Variants in RADX observed in about 807,000 individuals in gnomAD.
RADX encodes RPA-related protein RADX.
In RADX, 36 loss-of-function variants were observed where a neutral mutation model predicts 61.6. The ratio of observed to expected loss-of-function variants is 0.58; its 90% CI spans 0.45 to 0.77. RADX has a LOEUF of 0.77. RADX is among the 30% of genes least tolerant of loss of function. The pLI, the probability that RADX is intolerant of heterozygous loss-of-function variation, is 0.00. For missense variants in RADX, 497 were observed against 651.1 expected (o/e 0.76, Z 2.58); for synonymous variants, 272 against 237.9 (o/e 1.14, Z -1.32).
intron 3 of RADX, among the ~76,000 whole-genome samples, chrX:106,630,725 G>T (rs1927196372): frequency 9.0e-6 from 1 of 111,077 alleles, no homozygotes; most frequent in Non-Finnish European, 1.9e-5. Context: ...AGAACACAAA[G>T]AGGGGAACAG....
rs1393423144 is a variant in RADX at position 106,648,481 on chromosome X, C to CT, written c.1978+97dup. ...AATTACTAAGCACAAGTAATACATG[C>CT]TTAGAATGTATACTTTGCATATAGT... On this transcript the variant is annotated intron_variant, in intron 11 of 13. Transcript: ENST00000372548. 5 of 572,995 alleles carry CT rather than the reference C, an allele frequency of 8.7e-6. No individual in the cohort carries two copies. In the African/African-American group the frequency reaches 9.2e-5, roughly 11 times the overall value. 47.2% of individuals were successfully genotyped at this position (572,995 alleles called of 1,213,427 possible).
chrX:106,662,718 A>C (rs932204600), intron 12 of RADX, among the ~76,000 whole-genome samples: 26 of 109,485 alleles, frequency 2.4e-4, no homozygotes, highest in African/African-American at 8.6e-4. Context: ...CTACCAAAAA[A>C]AAAAAAAAAG....
intron 12 of RADX, among the ~76,000 whole-genome samples, chrX:106,665,223 T>G (rs1928199386): frequency 8.9e-6 from 1 of 111,830 alleles, no homozygotes; most frequent in African/African-American, 3.2e-5. Context: ...AAAGATGACT[T>G]TAAGTGTATC....
At chrX:106,619,737 AATC>A (rs1295320119) in intron 1 of RADX, among the ~76,000 whole-genome samples, 1 of 110,740 alleles carries the variant, frequency 9.0e-6, no homozygotes, top group East Asian at 2.8e-4. Context: ...CATACATAAT[AATC>A]TTTTAACAAT....
intron 13 of RADX, among the ~76,000 whole-genome samples, chrX:106,669,577 T>C (rs1230419684): frequency 8.9e-6 from 1 of 111,908 alleles, no homozygotes; most frequent in Non-Finnish European, 1.9e-5. Flanking sequence ...ATTCCAAGTA[T>C]AATTATTTCA....
At chrX:106,631,896 TTTGG>T (rs1927243890) in intron 3 of RADX, among the ~76,000 whole-genome samples, 1 of 106,846 alleles carries the variant, frequency 9.4e-6, no homozygotes, top group Non-Finnish European at 2.0e-5. Context: ...AATACCAAGG[TTTGG>T]AGAGGATGTG....
Position 106,669,295 on chromosome X carries a change from G to T in RADX, c.2402G>T (p.Gly801Val), listed in dbSNP as rs1413350929. 8.3e-7 allele frequency: 1 copy of T among 1,201,733 alleles called. No individual in the cohort carries two copies. The highest frequency in any genetic ancestry group is 1.8e-5 in the African/African-American group (1 of 56,534). The stretch of plus-strand genomic sequence containing the variant: ...TGTGCATATCCACAGGACACAACTG[G>T]AAATGACCGATTGCCAGGTCCAAGA... ...YSCAYPQDTT[G>V]NDRLPGPRAV... Residue 801 changes from glycine (G) to valine (V), a missense_variant, in exon 13 of 14, where the codon GGA (glycine) becomes GTA (valine). Gly to Val is a moderately radical substitution (Grantham distance 109, BLOSUM62 -3). Coordinates refer to ENST00000372548, the MANE Select transcript of RADX (RefSeq NM_018015.6).
At position 106,677,857 on chromosome X, in the gene RADX, A is replaced by G. The variant is rs570118021; in HGVS notation, c.2438-271A>G. On this transcript the variant is annotated intron_variant, in intron 13 of 13. Coordinates refer to ENST00000372548, the MANE Select transcript of RADX (RefSeq NM_018015.6). ...ATATCTGGATTTATTTTGCTCCACC[A>G]AGAACAAAACAAAAACCCGAAAACT... is the stretch of plus-strand genomic sequence containing the variant. 4.5e-5 allele frequency among the ~76,000 whole-genome samples: 5 copies of G among 110,865 alleles called. No individual in the cohort carries two copies. The Admixed American group carries it at 4.8e-4, about 11-fold the overall frequency.
At chrX:106,657,813 A>G (rs1169309594) in intron 11 of RADX, among the ~76,000 whole-genome samples, 2 of 111,316 alleles carry the variant, frequency 1.8e-5, no homozygotes, top group Non-Finnish European at 3.8e-5. Flanking sequence ...TAGTAGCATC[A>G]GAGATCAGTA....
At position 106,632,649 on chromosome X, in the gene RADX, C is replaced by T. The variant is rs1259974271; in HGVS notation, c.1004C>T (p.Pro335Leu). 4 of 1,194,773 alleles carry T rather than the reference C, an allele frequency of 3.3e-6. No individual in the cohort carries two copies. Among genetic ancestry groups the T allele is most frequent in the Admixed American group, 4.4e-5 (2 of 45,207 alleles). Residue 335 changes from proline to leucine, a missense_variant, in exon 4 of 14, where the codon CCC becomes CTC. Around this residue, in one of 3 missense-constraint regions of RADX, gnomAD observed 196 missense variants for 315.0 expected, o/e 0.62. Coordinates refer to ENST00000372548, the MANE Select transcript of RADX (RefSeq NM_018015.6). The stretch of plus-strand genomic sequence containing the variant: ...GAAATCTGCCTGAATCTTCGAGATC[C>T]CCCAACAAATATAATTATCATTCCA... ...TMEICLNLRD[P>L]PTNIIIIPEK...
intron 1 of RADX, among the ~76,000 whole-genome samples, chrX:106,616,055 A>G (rs1026824299): frequency 1.8e-5 from 2 of 111,444 alleles, no homozygotes; most frequent in Admixed American, 1.9e-4. Flanking sequence ...ATTCCTCTCT[A>G]AAACTATCTG....
chrX:106,663,136 A>C (rs187059031), intron 12 of RADX, among the ~76,000 whole-genome samples: 70 of 111,802 alleles, frequency 6.3e-4, no homozygotes, highest in African/African-American at 2.1e-3. Flanking sequence ...TAGTTCATGG[A>C]TTTTTACATT....
intron 12 of RADX, among the ~76,000 whole-genome samples, chrX:106,667,092 A>G (rs775070000): frequency 8.0e-5 from 9 of 111,827 alleles, no homozygotes; most frequent in Non-Finnish European, 1.3e-4. Context: ...GTAGAGTGAG[A>G]TGGTGATAAG....
intron 11 of RADX, among the ~76,000 whole-genome samples, chrX:106,651,208 A>G (rs1197046432): frequency 9.0e-6 from 1 of 111,395 alleles, no homozygotes; most frequent in East Asian, 2.8e-4. Flanking sequence ...AACATCCTTA[A>G]AACTACCAGA....
chrX:106,666,313 A>G (rs756242769), intron 12 of RADX, among the ~76,000 whole-genome samples: 2 of 111,971 alleles, frequency 1.8e-5, no homozygotes, highest in Admixed American at 9.5e-5. Context: ...CATCTCCTCA[A>G]TTTTCATTTG....
chrX:106,670,509 C>T (rs771648795), intron 13 of RADX, among the ~76,000 whole-genome samples: 1 of 110,159 alleles, frequency 9.1e-6, no homozygotes, highest in South Asian at 3.8e-4. Flanking sequence ...CTTCTGACAA[C>T]GCAGGTAATA....
In RADX at chrX:106,624,977, A is replaced by C. The variant is rs749095381; in HGVS notation, c.787-113A>C. The C allele has an allele frequency of 9.7e-6, 4 of 411,137 alleles. No individual in the cohort carries two copies. In the South Asian group the frequency reaches 5.0e-4, roughly 52 times the overall value. 33.9% of individuals were successfully genotyped at this position (411,137 alleles called of 1,213,427 possible). A position where few individuals can be genotyped will look rare whatever the true frequency, so the allele number is the denominator to read the frequency against. Reference sequence around the variant, plus strand: ...CTGAATCATTATTAATAAATAATTAAAATTTAGATGTTATTTTCCATCACT... The same window carrying C: ...CTGAATCATTATTAATAAATAATTACAATTTAGATGTTATTTTCCATCACT... On this transcript the variant is annotated intron_variant, in intron 2 of 13. Coordinates refer to ENST00000372548, the MANE Select transcript of RADX (RefSeq NM_018015.6).
intron 1 of RADX, among the ~76,000 whole-genome samples, chrX:106,613,631 T>A (rs1303368389): frequency 1.8e-5 from 2 of 112,240 alleles, no homozygotes; most frequent in African/African-American, 6.5e-5. Flanking sequence ...TACTGTGACG[T>A]GTAAGAGCAA....
At chrX:106,641,532 C>T (rs1351304494) in intron 10 of RADX, among the ~76,000 whole-genome samples, 1 of 111,599 alleles carries the variant, frequency 9.0e-6, no homozygotes, top group African/African-American at 3.3e-5. Flanking sequence ...TAGACACTCC[C>T]ATTCTGAAAG....
Sources: gnomAD v4.1 joint callset for allele counts (sites outside exome capture counted in the v4.1 genomes callset) on GRCh38, gnomAD v4.1.1 for gene constraint, gnomAD v4.1.1 regional missense constraint, MANE v1.5 for transcripts, NCBI Gene and HGNC (gene_info 2026-07-23, HGNC 2026-07-21) for gene names.